The following CACNA1A variants were observed in gnomAD, a reference collection of about 807,000 sequenced individuals.
The protein encoded by CACNA1A is calcium voltage-gated channel subunit alpha1 A.
In CACNA1A, 57 loss-of-function variants were observed where a neutral mutation model predicts 262.4. The observed-to-expected ratio is 0.22, with a 90% CI of 0.18 to 0.27. The LOEUF (loss-of-function observed/expected upper bound fraction) is 0.27, where lower values mean the gene tolerates loss of function less well. Ranked by LOEUF, CACNA1A falls within the 10% of genes least tolerant of loss-of-function variation. The pLI, the probability that CACNA1A is intolerant of heterozygous loss-of-function variation, is 1.00. For missense variants in CACNA1A, 2,526 were observed against 3,562.8 expected (o/e 0.71, Z 7.41); for synonymous variants, 1,431 against 1,419.3 (o/e 1.01, Z -0.18).
chr19:13,449,958 T>C (rs1167066849), intron 3 of CACNA1A, among the ~76,000 whole-genome samples: 1 of 152,004 alleles, frequency 6.6e-6, no homozygotes, highest in African/African-American at 2.4e-5. Context: ...CTGGCCAACA[T>C]GGCGTAAACC....
At chr19:13,340,022 C>T (rs768177036) in intron 6 of CACNA1A, among the ~76,000 whole-genome samples, 24 of 152,170 alleles carry the variant, frequency 1.6e-4, no homozygotes, top group Non-Finnish European at 3.2e-4. Context: ...TGAGGGTTCT[C>T]GTTCCCATTT....
chr19:13,401,331 G>C (rs893146518), intron 3 of CACNA1A, among the ~76,000 whole-genome samples: 6 of 152,314 alleles, frequency 3.9e-5, no homozygotes, highest in African/African-American at 7.2e-5. Flanking sequence ...TAACGGCTCT[G>C]GGTTTCCATG....
At chr19:13,360,682 T>C (rs574156904) in intron 5 of CACNA1A, among the ~76,000 whole-genome samples, 6 of 152,110 alleles carry the variant, frequency 3.9e-5, no homozygotes, top group Admixed American at 6.5e-5. Context: ...TTCACCATGT[T>C]GGCCAGGCTG....
At chr19:13,497,903 T>G (rs1021594331) in intron 1 of CACNA1A, among the ~76,000 whole-genome samples, 25 of 151,968 alleles carry the variant, frequency 1.6e-4, no homozygotes, top group Non-Finnish European at 3.1e-4. Context: ...TCCACAACTG[T>G]GAGCTGGAGC....
chr19:13,366,475 T>A (rs748408249), intron 4 of CACNA1A, among the ~76,000 whole-genome samples: 88 of 152,038 alleles, frequency 5.8e-4, no homozygotes, highest in Non-Finnish European at 1.1e-3. Context: ...ATATATATAT[T>A]TTATAGAGAC....
intron 1 of CACNA1A, 140 bp downstream of exon 1, chr19:13,505,792 G>A: frequency 2.5e-6 from 2 of 806,798 alleles, no homozygotes; most frequent in Non-Finnish European, 4.1e-6. Context: ...TCCTCCCGGT[G>A]CCCCCTCTCC....
intron 4 of CACNA1A, among the ~76,000 whole-genome samples, chr19:13,370,124 G>T (rs571167245): frequency 6.6e-6 from 1 of 151,440 alleles, no homozygotes. Flanking sequence ...TTTTTGAGAC[G>T]GAGTTTCACT....
intron 23 of CACNA1A, 65 bp downstream of exon 23, chr19:13,277,004 G>T: frequency 9.6e-7 from 1 of 1,043,764 alleles, no homozygotes; most frequent in Non-Finnish European, 1.5e-6. Context: ...GATCCACTGT[G>T]CCCAGCCCTG....
intron 3 of CACNA1A, among the ~76,000 whole-genome samples, chr19:13,432,140 G>T (rs2060518529): frequency 6.7e-6 from 1 of 149,242 alleles, no homozygotes; most frequent in African/African-American, 2.5e-5. Flanking sequence ...TAGGCCAGGT[G>T]CAGTGGCTCA....
At position 13,298,882 on chromosome 19, in the gene CACNA1A, C is replaced by T. The variant is rs16022; in HGVS notation, c.2751G>A (p.Glu917=). The T allele has an allele frequency of 1.3e-6, 2 of 1,593,008 alleles. No individual in the cohort carries two copies. Among genetic ancestry groups the T allele is most frequent in the East Asian group, 2.2e-5 (1 of 44,572 alleles). The change falls in exon 19 of 47, where the codon GAG becomes GAA. Residue 917 remains glutamate, a synonymous_variant. Coordinates refer to ENST00000360228, the MANE Select transcript of CACNA1A (RefSeq NM_001127222.2). ...EGSLEQPGFW[E]GEAERGKAGD... ...CGGCCTTGCCTCGCTCGGCCTCGCC[C>T]TCCCAGAACCCGGGTTGCTCCAGGC... is the stretch of plus-strand genomic sequence containing the variant.
intron 37 of CACNA1A, chr19:13,225,471 G>A (rs1024634029): frequency 2.0e-5 from 3 of 152,252 alleles, no homozygotes; most frequent in Admixed American, 6.5e-5. Context: ...AGGGGGAAGG[G>A]GTGAGGGGCA....
chr19:13,438,246 G>A (rs2060648101), intron 3 of CACNA1A, among the ~76,000 whole-genome samples: 1 of 152,212 alleles, frequency 6.6e-6, no homozygotes, highest in Admixed American at 6.5e-5. Context: ...AGGCCCCAGG[G>A]AACAGGAATG....
rs113789898 is a variant in CACNA1A, at chr19:13,417,889, C to CAAA, written c.539+34984_539+34986dup. ...TGGGTGACAGAGCAAGACTCCATCT[C>CAAA]AAAAAAAAAAAAAAAAAAAGAGAAC... On this transcript the variant is annotated intron_variant, in intron 3 of 46. Coordinates refer to ENST00000360228, the MANE Select transcript of CACNA1A (RefSeq NM_001127222.2). Among the ~76,000 whole-genome samples the CAAA allele has an allele frequency of 8.1e-3, 674 of 83,360 alleles. 11 individuals are homozygous for CAAA. The highest frequency in any genetic ancestry group is 0.031 in the African/African-American group (619 of 19,862). 54.7% of individuals were successfully genotyped at this position (83,360 alleles called of 152,430 possible).
chr19:13,259,470 C>T (rs2056670711), intron 27 of CACNA1A, 94 bp downstream of exon 27: 6 of 1,263,460 alleles, frequency 4.7e-6, no homozygotes, highest in African/African-American at 3.0e-5. Flanking sequence ...CCATGCCCGG[C>T]CTCCAAGACC....
chr19:13,288,260 G>C (rs2057453615), intron 19 of CACNA1A, among the ~76,000 whole-genome samples: 1 of 147,704 alleles, frequency 6.8e-6, no homozygotes, highest in Admixed American at 6.8e-5. Flanking sequence ...TTTTAACTGA[G>C]ACAGAGCCTC....
intron 30 of CACNA1A, among the ~76,000 whole-genome samples, chr19:13,246,892 C>T (rs1209977034): frequency 6.6e-6 from 1 of 152,216 alleles, no homozygotes; most frequent in Non-Finnish European, 1.5e-5. Context: ...TCCCAAAGTG[C>T]TGGGATTACA....
At chr19:13,441,920 C>T (rs571296708) in intron 3 of CACNA1A, among the ~76,000 whole-genome samples, 1 of 152,320 alleles carries the variant, frequency 6.6e-6, no homozygotes, top group African/African-American at 2.4e-5. Context: ...GCAAGGTCTT[C>T]TCCAGCCCCA....
chr19:13,257,903 A>C (rs2056615355), intron 27 of CACNA1A: 1 of 165,386 alleles, frequency 6.0e-6, no homozygotes, highest in East Asian at 1.7e-4. Context: ...AAGCCTGGCT[A>C]ATTTTTTTGT....
Position 13,224,769 on chromosome 19 carries a change from G to T in CACNA1A, c.5629C>A (p.Leu1877Ile). 6.2e-7 allele frequency: 1 copy of T among 1,605,278 alleles called. No individual in the cohort carries two copies. Among genetic ancestry groups the T allele is most frequent in the Non-Finnish European group, 8.5e-7 (1 of 1,176,036 alleles). ...GCGACGGGCAGGTCCATCCGCAGAAGCCGCTACAGAAAACCCAAGGCAAGC... is the reference window on the plus strand; with the variant it reads ...GCGACGGGCAGGTCCATCCGCAGAATCCGCTACAGAAAACCCAAGGCAAGC... The part of the protein sequence containing the change: ...KCPARVAYKR[L>I]LRMDLPVADD... Residue 1877 changes from leucine (L) to isoleucine (I), a missense_variant, in exon 38 of 47, where the codon CTT becomes ATT. By Grantham distance (5) the Leu-to-Ile change is conservative. This residue lies in a region of CACNA1A where 112 missense variants were observed against 197.2 expected (regional missense o/e 0.57). Transcript: ENST00000360228.
Sources: allele counts gnomAD v4.1 joint callset (sites outside exome capture counted in the v4.1 genomes callset), GRCh38; gene constraint gnomAD v4.1.1; regional missense constraint gnomAD v4.1.1; transcripts MANE v1.5; gene names NCBI Gene and HGNC (gene_info 2026-07-23, HGNC 2026-07-21).